The following KAZN variants were observed in gnomAD, a reference collection of about 807,000 sequenced individuals.
KAZN encodes the protein kazrin.
KAZN carries 40 observed loss-of-function variants against 87.4 expected under a neutral mutation model. The observed-to-expected ratio is 0.46, with a 90% CI of 0.36 to 0.60. The LOEUF is 0.60. Ranked by LOEUF, KAZN falls within the 20% of genes least tolerant of loss-of-function variation. The probability of loss-of-function intolerance (pLI) is 0.00; values close to 1 mark genes in which losing one functional copy is unlikely to be tolerated. For missense variants in KAZN, 898 were observed against 1,073.9 expected (o/e 0.84, Z 2.29); for synonymous variants, 466 against 458.3 (o/e 1.02, Z -0.22).
chr1:14,709,601 C>A lies in KAZN; in HGVS notation c.226+110378C>A, dbSNP rs542245882. Among the ~76,000 whole-genome samples, 6 of 152,322 alleles carry A rather than the reference C, an allele frequency of 3.9e-5. No individual in the cohort carries two copies. The East Asian group carries it at 9.6e-4, about 24-fold the overall frequency. ...TAGGAAAGCTTTTCGGTTGGCTCAGCAGAGAAAACCAGGGCTGGTCTTCCT... is the reference window on the plus strand; with the variant it reads ...TAGGAAAGCTTTTCGGTTGGCTCAGAAGAGAAAACCAGGGCTGGTCTTCCT... On this transcript the variant is annotated intron_variant, in intron 1 of 14. Transcript: ENST00000376030.
chr1:14,357,203 T>C (rs1659106336), intron 2 of KAZN, among the ~76,000 whole-genome samples: 1 of 151,172 alleles, frequency 6.6e-6, no homozygotes, highest in African/African-American at 2.4e-5. Flanking sequence ...AGGAGTTCAC[T>C]CATGATTTGG....
At chr1:14,925,998 A>G (rs775520032) in intron 1 of KAZN, among the ~76,000 whole-genome samples, 2 of 152,202 alleles carry the variant, frequency 1.3e-5, no homozygotes, top group Non-Finnish European at 2.9e-5. Context: ...TAATAGTACC[A>G]ACTAAAGATC....
chr1:14,004,434 T>C (rs940760745), intron 1 of KAZN, among the ~76,000 whole-genome samples: 2 of 152,240 alleles, frequency 1.3e-5, no homozygotes, highest in Admixed American at 6.5e-5. Flanking sequence ...AAATGTACAA[T>C]GTCAATACCA....
At chr1:14,106,699 T>C (rs927370842) in intron 1 of KAZN, among the ~76,000 whole-genome samples, 1 of 152,244 alleles carries the variant, frequency 6.6e-6, no homozygotes, top group Non-Finnish European at 1.5e-5. Context: ...AGGTATTTTC[T>C]TTTGGTTAAG....
intron 1 of KAZN, among the ~76,000 whole-genome samples, chr1:14,635,769 T>C (rs1368633819): frequency 6.6e-6 from 1 of 152,186 alleles, no homozygotes; most frequent in Admixed American, 6.5e-5. Context: ...TGGCCACATC[T>C]GGTGCTGCTG....
At chr1:14,313,539 G>A (rs955113019) in intron 2 of KAZN, among the ~76,000 whole-genome samples, 1 of 152,100 alleles carries the variant, frequency 6.6e-6, no homozygotes, top group Non-Finnish European at 1.5e-5. Flanking sequence ...CTACCTTAAA[G>A]TGATCCTTTA....
intron 2 of KAZN, among the ~76,000 whole-genome samples, chr1:14,560,640 G>T (rs187237024): frequency 1.3e-4 from 20 of 152,238 alleles, no homozygotes; most frequent in African/African-American, 4.8e-4. Flanking sequence ...CAGGTTCAAG[G>T]ATATACAGTG....
chr1:14,945,834 C>G (rs1557647967), intron 1 of KAZN: 10 of 983,868 alleles, frequency 1.0e-5, no homozygotes, highest in Non-Finnish European at 1.1e-5. Flanking sequence ...AGTGTCCGCT[C>G]CGGCCCGGAA....
chr1:14,837,550 ATT>A lies in KAZN; in HGVS notation c.227-123115_227-123114del, dbSNP rs1164233693. On this transcript the variant is annotated intron_variant, in intron 1 of 14. Transcript: ENST00000376030. Reference sequence around the variant, plus strand: ...GTTCATTCATTCCCATAGCTGTATAATTTTTTTTTTTTTTTTTTTTGAGACAG... The same window carrying A: ...GTTCATTCATTCCCATAGCTGTATAATTTTTTTTTTTTTTTTTTGAGACAG... 5.3e-3 allele frequency among the ~76,000 whole-genome samples: 622 copies of A among 117,648 alleles called. 2 individuals are homozygous for A. Among genetic ancestry groups the A allele is most frequent in the African/African-American group, 0.017 (535 of 30,916 alleles). 77.2% of individuals were successfully genotyped at this position (117,648 alleles called of 152,430 possible). A position where few individuals can be genotyped will look rare whatever the true frequency, so the allele number is the denominator to read the frequency against.
At chr1:14,699,755 C>T (rs959549152) in intron 1 of KAZN, among the ~76,000 whole-genome samples, 8 of 152,184 alleles carry the variant, frequency 5.3e-5, no homozygotes, top group African/African-American at 1.9e-4. Flanking sequence ...TCTCTTCAAA[C>T]AAACAAAAGA....
intron 1 of KAZN, among the ~76,000 whole-genome samples, chr1:14,048,412 CT>C (rs1642170335): frequency 3.8e-5 from 5 of 132,064 alleles, no homozygotes. Flanking sequence ...TTTTTTTTTC[CT>C]TTTTTTCTGA....
intron 2 of KAZN, among the ~76,000 whole-genome samples, chr1:14,219,469 A>T (rs1269026413): frequency 1.3e-5 from 2 of 152,132 alleles, no homozygotes; most frequent in African/African-American, 4.8e-5. Context: ...AACATATATA[A>T]TGTACCTTTT....
chr1:14,976,253 C>G (rs74060139), intron 2 of KAZN, among the ~76,000 whole-genome samples: 7,740 of 152,156 alleles, frequency 0.051, 649 homozygotes, highest in African/African-American at 0.17. Context: ...ACTGCAGCCT[C>G]AACTTCCTGG....
chr1:14,251,410 T>A (rs543157134), intron 2 of KAZN, among the ~76,000 whole-genome samples: 11 of 152,262 alleles, frequency 7.2e-5, no homozygotes, highest in African/African-American at 2.4e-4. Context: ...GGGTTATCTC[T>A]TCTTTGTTGT....
chr1:14,857,983 G>T (rs929507119), intron 1 of KAZN, among the ~76,000 whole-genome samples: 6 of 152,054 alleles, frequency 3.9e-5, no homozygotes, highest in African/African-American at 1.5e-4. Context: ...CCAGCCGCAG[G>T]CACCCACTCA....
intron 1 of KAZN, among the ~76,000 whole-genome samples, chr1:14,022,917 C>G (rs1199264838): frequency 6.6e-6 from 1 of 152,182 alleles, no homozygotes; most frequent in East Asian, 1.9e-4. Context: ...GACTTTTGAG[C>G]AGGTTTCTTA....
At chr1:14,424,929 T>G (rs1665632424) in intron 2 of KAZN, among the ~76,000 whole-genome samples, 1 of 152,214 alleles carries the variant, frequency 6.6e-6, no homozygotes, top group Admixed American at 6.5e-5. Context: ...TCTAATATCA[T>G]AGCTAAATCA....
At chr1:14,075,725 C>T (rs1643428412) in intron 1 of KAZN, among the ~76,000 whole-genome samples, 1 of 152,158 alleles carries the variant, frequency 6.6e-6, no homozygotes, top group Non-Finnish European at 1.5e-5. Context: ...ACAGTCTGCA[C>T]CAGGGAGAGC....
chr1:15,082,988 C>T (rs1429053610), intron 8 of KAZN, among the ~76,000 whole-genome samples: 1 of 152,202 alleles, frequency 6.6e-6, no homozygotes, highest in African/African-American at 2.4e-5. Flanking sequence ...CTAAAGACCA[C>T]TCTAGGAGCA....
Sources: allele counts gnomAD v4.1 joint callset (sites outside exome capture counted in the v4.1 genomes callset), GRCh38; gene constraint gnomAD v4.1.1; transcripts MANE v1.5; gene names NCBI Gene and HGNC (gene_info 2026-07-23, HGNC 2026-07-21).